The following KCNU1 variants were observed in gnomAD, a reference collection of about 807,000 sequenced individuals.
KCNU1 encodes potassium calcium-activated channel subfamily U member 1.
Under a neutral mutation model 126.8 loss-of-function variants are expected in KCNU1, and 93 were observed. That is an observed-to-expected ratio of 0.73 (90% CI 0.62 to 0.87). The LOEUF (loss-of-function observed/expected upper bound fraction) is 0.87. KCNU1 is among the 40% of genes least tolerant of loss of function. The probability of loss-of-function intolerance (pLI) is 0.00; values close to 1 mark genes in which losing one functional copy is unlikely to be tolerated. For synonymous variants in KCNU1, 523 were observed against 494.2 expected (o/e 1.06, Z -0.77); for missense variants, 1,330 against 1,367.1 (o/e 0.97, Z 0.43).
chr8:36,795,533 GT>G (rs1416998478), intron 2 of KCNU1: 2 of 152,876 alleles, frequency 1.3e-5, no homozygotes, highest in Non-Finnish European at 2.9e-5. Flanking sequence ...AAGTTCCTCA[GT>G]GGTTGGTGGA....
intron 10 of KCNU1, among the ~76,000 whole-genome samples, chr8:36,826,298 C>T (rs1804320538): frequency 6.6e-6 from 1 of 151,970 alleles, no homozygotes; most frequent in African/African-American, 2.4e-5. Context: ...CAACCTCTGC[C>T]TCCCGGGTTC....
intron 16 of KCNU1, among the ~76,000 whole-genome samples, chr8:36,842,578 G>A (rs1397047113): frequency 2.0e-5 from 3 of 152,192 alleles, no homozygotes; most frequent in Non-Finnish European, 4.4e-5. Context: ...CAGGTAGTTC[G>A]GGTTTCAGAC....
At chr8:36,924,313 C>T (rs976946530) in intron 24 of KCNU1, among the ~76,000 whole-genome samples, 1 of 152,202 alleles carries the variant, frequency 6.6e-6, no homozygotes. Context: ...AACTTGCTGC[C>T]TCCTGGAGGT....
At position 36,935,775 on chromosome 8, in the gene KCNU1, C is replaced by G; in HGVS notation, c.3305C>G (p.Pro1102Arg). The change falls in exon 27 of 27, where the codon CCT becomes CGT. Residue 1102 changes from proline (P) to arginine (R), a missense_variant. Physicochemically the swap from Pro to Arg is moderately radical, Grantham distance 103. Coordinates refer to ENST00000399881, the MANE Select transcript of KCNU1 (RefSeq NM_001031836.3). The stretch of plus-strand genomic sequence containing the variant: ...CCGAGAACTAACTCCCTCTCTTTTC[C>G]TAAGCAAATAGCATGGAATCAGAGT... ...YQPRTNSLSF[P>R]KQIAWNQSRT... is the part of the protein sequence containing the mutation. The G allele has an allele frequency of 2.5e-6, 4 of 1,613,468 alleles. No individual in the cohort carries two copies. Among genetic ancestry groups the G allele is most frequent in the Non-Finnish European group, 3.4e-6 (4 of 1,179,562 alleles).
At chr8:36,851,635 TG>T (rs1377428926) in intron 18 of KCNU1, among the ~76,000 whole-genome samples, 3 of 152,192 alleles carry the variant, frequency 2.0e-5, no homozygotes, top group African/African-American at 7.2e-5. Context: ...TTTAATTTCT[TG>T]AAACAGTGTT....
At chr8:36,926,278 G>T (rs552278599) in intron 24 of KCNU1, among the ~76,000 whole-genome samples, 15 of 152,200 alleles carry the variant, frequency 9.9e-5, no homozygotes, top group Non-Finnish European at 2.1e-4. Context: ...CCTCGCTGCC[G>T]CAATCAACTG....
chr8:36,909,974 G>C (rs185240799), intron 21 of KCNU1, among the ~76,000 whole-genome samples: 1 of 152,036 alleles, frequency 6.6e-6, no homozygotes, highest in Non-Finnish European at 1.5e-5. Context: ...CATTTTATAT[G>C]GACCATATAA....
rs547460476 is a variant in KCNU1, at chr8:36,821,997, G to A, written c.1106+4237G>A. On this transcript the variant is annotated intron_variant, in intron 10 of 26. Transcript: ENST00000399881. ...GTTTTCAACTTATGATGGGTTTATAGGGATGTAGCCCCATCATAAGTTCAG... is the reference window on the plus strand; with the variant it reads ...GTTTTCAACTTATGATGGGTTTATAAGGATGTAGCCCCATCATAAGTTCAG... Among the ~76,000 whole-genome samples, 4 of 152,214 alleles carry A rather than the reference G, an allele frequency of 2.6e-5. No homozygotes were observed. In the South Asian group the frequency reaches 8.3e-4, roughly 32 times the overall value.
chr8:36,884,188 AG>A (rs143674440), intron 19 of KCNU1, among the ~76,000 whole-genome samples: 6,868 of 152,260 alleles, frequency 0.045, 460 homozygotes, highest in East Asian at 0.22. Context: ...TTTCATAATT[AG>A]GTTTTGCTGG....
rs138337465 is a variant in KCNU1 at position 36,889,902 on chromosome 8, C to G, written c.2010-15806C>G. Among the ~76,000 whole-genome samples, 438 of 152,030 alleles carry G rather than the reference C, an allele frequency of 2.9e-3. 3 individuals carry two copies. The highest frequency in any genetic ancestry group is 9.3e-3 in the African/African-American group (385 of 41,480). ...AAGTCATCTTGCCCATGGAGAAACA[C>G]GGAAAATAATTATAGTTGTCTTTTT... On this transcript the variant is annotated intron_variant, in intron 19 of 26. Coordinates refer to ENST00000399881, the MANE Select transcript of KCNU1 (RefSeq NM_001031836.3).
chr8:36,836,097 T>G (rs1804737261), intron 12 of KCNU1, among the ~76,000 whole-genome samples, 199 bp from the exon 13 acceptor site: 1 of 152,214 alleles, frequency 6.6e-6, no homozygotes, highest in African/African-American at 2.4e-5. Flanking sequence ...TAGATTTGGT[T>G]GGCAAAGTCA....
intron 22 of KCNU1, among the ~76,000 whole-genome samples, chr8:36,913,072 G>T (rs143334386): frequency 9.0e-4 from 137 of 151,546 alleles, no homozygotes; most frequent in African/African-American, 3.0e-3. Flanking sequence ...TGGTCTAGGT[G>T]AATAGTTCTT....
intron 19 of KCNU1, among the ~76,000 whole-genome samples, chr8:36,881,159 C>G (rs1563312518): frequency 6.6e-6 from 1 of 152,144 alleles, no homozygotes; most frequent in Non-Finnish European, 1.5e-5. Flanking sequence ...TTTCGGGAGC[C>G]CTTCTACAAA....
intron 18 of KCNU1, among the ~76,000 whole-genome samples, chr8:36,862,080 T>A (rs1805751040): frequency 6.6e-6 from 1 of 152,152 alleles, no homozygotes; most frequent in Non-Finnish European, 1.5e-5. Context: ...TCATGGTAAG[T>A]CATGACAAGA....
At chr8:36,815,138 C>A (rs1803861404) in intron 8 of KCNU1, among the ~76,000 whole-genome samples, 1 of 152,108 alleles carries the variant, frequency 6.6e-6, no homozygotes, top group Non-Finnish European at 1.5e-5. Flanking sequence ...CGAGACCAGC[C>A]TGGCCAACAT....
At chr8:36,849,956 G>A (rs1335640303) in intron 18 of KCNU1, among the ~76,000 whole-genome samples, 1 of 152,094 alleles carries the variant, frequency 6.6e-6, no homozygotes, top group Non-Finnish European at 1.5e-5. Flanking sequence ...ATGCAGAAAG[G>A]TTCCAGTTTT....
intron 6 of KCNU1, 53 bp from the exon 7 acceptor site, chr8:36,808,665 G>A (rs1111121): frequency 0.19 from 207,141 of 1,087,970 alleles, 22,643 homozygotes; most frequent in African/African-American, 0.38. Flanking sequence ...TGAGGTGTTT[G>A]TGTTGTTCTG....
At chr8:36,898,875 G>A (rs1807303976) in intron 19 of KCNU1, among the ~76,000 whole-genome samples, 1 of 152,034 alleles carries the variant, frequency 6.6e-6, no homozygotes, top group Non-Finnish European at 1.5e-5. Flanking sequence ...ATTGAGACTT[G>A]CCCTGAGCTG....
intron 19 of KCNU1, among the ~76,000 whole-genome samples, chr8:36,865,852 A>C (rs1160676479): frequency 6.6e-6 from 1 of 151,998 alleles, no homozygotes; most frequent in African/African-American, 2.4e-5. Context: ...CACTCCTAAT[A>C]AAGAAGGAAA....
Sources: allele counts gnomAD v4.1 joint callset (sites outside exome capture counted in the v4.1 genomes callset), GRCh38; gene constraint gnomAD v4.1.1; transcripts MANE v1.5; gene names NCBI Gene and HGNC (gene_info 2026-07-23, HGNC 2026-07-21).